DNAH9: variants seen among roughly 807,000 people sequenced by gnomAD.
DNAH9 encodes dynein axonemal heavy chain 9.
DNAH9 carries 345 observed loss-of-function variants against 471.6 expected under a neutral mutation model. The ratio of observed to expected loss-of-function variants is 0.73; its 90% CI spans 0.67 to 0.80. The LOEUF (loss-of-function observed/expected upper bound fraction) is 0.80, where lower values mean the gene tolerates loss of function less well. DNAH9 is among the 30% of genes least tolerant of loss of function. The probability of loss-of-function intolerance (pLI) is 0.00; values close to 1 mark genes in which losing one functional copy is unlikely to be tolerated. For synonymous variants in DNAH9, 2,093 were observed against 2,123.6 expected (o/e 0.99, Z 0.40); for missense variants, 5,407 against 5,609.2 (o/e 0.96, Z 1.15).
intron 6 of DNAH9, among the ~76,000 whole-genome samples, chr17:11,620,936 G>A (rs1485814736): frequency 1.3e-5 from 2 of 152,152 alleles, no homozygotes; most frequent in Non-Finnish European, 2.9e-5. Context: ...GTACTACGGT[G>A]AGAAGACATG....
intron 48 of DNAH9, among the ~76,000 whole-genome samples, chr17:11,831,606 GCTT>G (rs1970686062): frequency 6.6e-6 from 1 of 152,078 alleles, no homozygotes; most frequent in Admixed American, 6.5e-5. Flanking sequence ...GTTGCCCTGG[GCTT>G]CTTCTCCTTC....
At chr17:11,712,396 G>A (rs2074884856) in intron 26 of DNAH9, among the ~76,000 whole-genome samples, 1 of 151,168 alleles carries the variant, frequency 6.6e-6, no homozygotes, top group South Asian at 2.1e-4. Context: ...GAATGTTTGT[G>A]TACAAGTCTT....
intron 48 of DNAH9, among the ~76,000 whole-genome samples, chr17:11,834,347 A>AAAAAAAAAAG (rs1555605967): frequency 6.7e-6 from 1 of 148,920 alleles, no homozygotes; most frequent in Non-Finnish European, 1.5e-5. Context: ...AAAAAAAAAA[A>AAAAAAAAAAG]AAGAAGAAGA....
intron 32 of DNAH9, 129 bp from the exon 33 acceptor site, chr17:11,752,704 G>A: frequency 1.7e-6 from 1 of 573,888 alleles, no homozygotes; most frequent in Non-Finnish European, 2.8e-6. Context: ...ATAAAACCAG[G>A]TCTGATCTGC....
In DNAH9 at chr17:11,681,779, A is replaced by G. The variant is rs2074137889; in HGVS notation, c.3743+890A>G. Among the ~76,000 whole-genome samples, 3 of 152,224 alleles carry G rather than the reference A, an allele frequency of 2.0e-5. No individual in the cohort carries two copies. The East Asian group carries it at 5.8e-4, about 29-fold the overall frequency. ...CAGAAATATTAAAGCAACAAACCAA[A>G]CAAAAAAAAATACAACTTCACTGGA... On this transcript the variant is annotated intron_variant, in intron 19 of 68. Coordinates refer to ENST00000262442, the MANE Select transcript of DNAH9 (RefSeq NM_001372.4).
intron 15 of DNAH9, among the ~76,000 whole-genome samples, chr17:11,667,093 A>G (rs2073884939): frequency 6.6e-6 from 1 of 152,212 alleles, no homozygotes; most frequent in Admixed American, 6.5e-5. Flanking sequence ...TCCAATGTAG[A>G]GATTACAGTC....
In DNAH9 at chr17:11,939,515, G is replaced by A. The variant is rs78822045; in HGVS notation, c.12660+1993G>A. ...TACTGGGTGCACATCTGATTGTGCA[G>A]TATCCCAGTATTTGGCCATGGTGGT... On this transcript the variant is annotated intron_variant, in intron 66 of 68. Coordinates refer to ENST00000262442, the MANE Select transcript of DNAH9 (RefSeq NM_001372.4). Among the ~76,000 whole-genome samples, 580 of 152,312 alleles carry A rather than the reference G, an allele frequency of 3.8e-3. 5 individuals carry two copies. The highest frequency in any genetic ancestry group is 0.013 in the African/African-American group (538 of 41,564).
chr17:11,669,775 G>A lies in DNAH9; in HGVS notation c.3334G>A (p.Val1112Met). The A allele has an allele frequency of 6.2e-7, 1 of 1,613,980 alleles. No homozygotes were observed. Among genetic ancestry groups the A allele is most frequent in the Non-Finnish European group, 8.5e-7 (1 of 1,179,956 alleles). The change falls in exon 17 of 69, where the codon GTG (valine) becomes ATG (methionine). Residue 1112 changes from valine to methionine, a missense_variant. Val to Met is a conservative substitution (Grantham distance 21). Around this residue, in one of 3 missense-constraint regions of DNAH9, gnomAD observed 4,636 missense variants for 4,900.3 expected, o/e 0.95. Coordinates refer to ENST00000262442, the MANE Select transcript of DNAH9 (RefSeq NM_001372.4). ...GAGCCTCCTGTTCAAACAGCATCTT[G>A]TGGACCACGTCACTCACAGGTACAA... ...RWSLLFKQHL[V>M]DHVTHSLANL... is the part of the protein sequence containing the mutation.
intron 61 of DNAH9, among the ~76,000 whole-genome samples, chr17:11,910,602 CTTTATG>C (rs962277687): frequency 6.6e-6 from 1 of 152,282 alleles, no homozygotes; most frequent in African/African-American, 2.4e-5. Context: ...CAGATGGTGA[CTTTATG>C]TTTAACTCTA....
rs993544372 is a variant in DNAH9 at position 11,969,720 on chromosome 17, G to A, written c.*193G>A. ...CTGAGCTGAAGGAATGTGGGCCCAG[G>A]TTTCTTAATAAAATGATTTACTCTT... On this transcript the variant is annotated 3_prime_UTR_variant, in exon 69 of 69. Transcript: ENST00000262442. 8.7e-6 allele frequency: 5 copies of A among 576,216 alleles called. No individual in the cohort carries two copies. The highest frequency in any genetic ancestry group is 1.5e-5 in the Non-Finnish European group (5 of 326,112). The allele number at this position is 576,216 out of a possible 1,614,324, so 35.7% of individuals were successfully genotyped here. A position where few individuals can be genotyped will look rare whatever the true frequency, so the allele number is the denominator to read the frequency against.
chr17:11,715,544 T>A (rs1252234376), intron 26 of DNAH9, among the ~76,000 whole-genome samples: 1 of 152,144 alleles, frequency 6.6e-6, no homozygotes, highest in Non-Finnish European at 1.5e-5. Flanking sequence ...TCAAACGGCC[T>A]CACCTTTAAA....
At chr17:11,719,635 C>T in intron 27 of DNAH9, 145 bp downstream of exon 27, 1 of 780,058 alleles carries the variant, frequency 1.3e-6, no homozygotes, top group Non-Finnish European at 2.0e-6. Context: ...TTTGCTCCTT[C>T]GTGGTAAAGT....
intron 52 of DNAH9, among the ~76,000 whole-genome samples, chr17:11,873,955 A>T (rs1490082562): frequency 6.6e-6 from 1 of 152,176 alleles, no homozygotes; most frequent in Non-Finnish European, 1.5e-5. Context: ...TGTAAAAAAA[A>T]TTAAGTGAGC....
Position 11,826,316 on chromosome 17 carries a change from A to G in DNAH9, c.9246+3282A>G, listed in dbSNP as rs545981761. 2.6e-5 allele frequency among the ~76,000 whole-genome samples: 4 copies of G among 151,982 alleles called. No homozygotes were observed. The South Asian group carries it at 8.3e-4, about 32-fold the overall frequency. The stretch of plus-strand genomic sequence containing the variant: ...CTTCTTAGGTTATATTCTCTACTTC[A>G]ATGAATGATGCTTCTGCTATCCAAT... On this transcript the variant is annotated intron_variant, in intron 48 of 68. Coordinates refer to ENST00000262442, the MANE Select transcript of DNAH9 (RefSeq NM_001372.4).
chr17:11,953,594 G>A (rs530104763), intron 67 of DNAH9, among the ~76,000 whole-genome samples: 32 of 152,034 alleles, frequency 2.1e-4, no homozygotes, highest in African/African-American at 6.0e-4. Flanking sequence ...GGCGGATCAC[G>A]AGGTCAGGAG....
intron 61 of DNAH9, among the ~76,000 whole-genome samples, chr17:11,918,362 G>T (rs1331124276): frequency 1.3e-5 from 2 of 152,016 alleles, no homozygotes; most frequent in Non-Finnish European, 2.9e-5. Flanking sequence ...CTCCCAGGTA[G>T]CTGGACTATA....
chr17:11,687,858 G>A (rs1394513192), intron 19 of DNAH9, among the ~76,000 whole-genome samples: 1 of 151,834 alleles, frequency 6.6e-6, no homozygotes, highest in Non-Finnish European at 1.5e-5. Context: ...ATCTGCAGCC[G>A]AGCGGGATGG....
chr17:11,611,299 G>A (rs891671224), intron 3 of DNAH9, among the ~76,000 whole-genome samples: 1 of 152,150 alleles, frequency 6.6e-6, no homozygotes, highest in Non-Finnish European at 1.5e-5. Flanking sequence ...TGACCATTCT[G>A]CTGACCTACT....
intron 60 of DNAH9, among the ~76,000 whole-genome samples, chr17:11,904,962 G>A (rs977290141): frequency 2.0e-5 from 3 of 152,018 alleles, no homozygotes; most frequent in South Asian, 4.1e-4. Context: ...GGCTGGGCGC[G>A]GTGGCTCACA....
Sources: gnomAD v4.1 joint callset for allele counts (sites outside exome capture counted in the v4.1 genomes callset) on GRCh38, gnomAD v4.1.1 for gene constraint, gnomAD v4.1.1 regional missense constraint, MANE v1.5 for transcripts, NCBI Gene and HGNC (gene_info 2026-07-23, HGNC 2026-07-21) for gene names.